RERE: variants seen among roughly 807,000 people sequenced by gnomAD.
The protein encoded by RERE is arginine-glutamic acid dipeptide repeats, also known as arginine-glutamic acid dipeptide repeats protein.
A neutral mutation model predicts 146.1 loss-of-function variants in RERE; 40 were observed. That is an observed-to-expected ratio of 0.27 (90% CI 0.21 to 0.36). RERE has a LOEUF of 0.36. Among genes scored for constraint, RERE ranks in the 10% least tolerant of loss-of-function variants. The pLI, the probability that RERE is intolerant of heterozygous loss-of-function variation, is 1.00. For synonymous variants in RERE, 1,003 were observed against 866.0 expected (o/e 1.16, Z -2.78); for missense variants, 1,933 against 2,138.7 (o/e 0.90, Z 1.90).
At position 8,698,688 on chromosome 1, in the gene RERE, AATAG is replaced by A. The variant is rs1302622877; in HGVS notation, c.-144-42251_-144-42248del. Among the ~76,000 whole-genome samples the A allele has an allele frequency of 3.3e-5, 5 of 152,042 alleles. No homozygotes were observed. In the South Asian group the frequency reaches 6.2e-4, roughly 19 times the overall value. ...TACTTTTTCTATTTTTATTTTTTTT[AATAG>A]ATAGAGACAGGGTCTCGCTATGTTG... On this transcript the variant is annotated intron_variant, in intron 1 of 22. Coordinates refer to ENST00000400908, the MANE Select transcript of RERE (RefSeq NM_001042681.2).
chr1:8,362,556 G>A lies in RERE; in HGVS notation c.1902+127C>T. 4 of 1,251,452 alleles carry A rather than the reference G, an allele frequency of 3.2e-6. 1 individual carries two copies. The South Asian group carries it at 5.4e-5, about 17-fold the overall frequency. The allele number at this position is 1,251,452 out of a possible 1,614,324, so 77.5% of individuals were successfully genotyped here. ...CAGCCCCTAGGCCAGGACAATGCTG[G>A]TGTCCAGACAGGCTCCATGAATGAG... On this transcript the variant is annotated intron_variant, in intron 16 of 22. Coordinates refer to ENST00000400908, the MANE Select transcript of RERE (RefSeq NM_001042681.2).
At chr1:8,479,787 A>G (rs567255553) in intron 10 of RERE, among the ~76,000 whole-genome samples, 2 of 152,300 alleles carry the variant, frequency 1.3e-5, no homozygotes, top group African/African-American at 4.8e-5. Context: ...CGTTTAAGCC[A>G]CCAAGTTTGG....
At chr1:8,623,693 A>T (rs1251086564) in intron 3 of RERE, among the ~76,000 whole-genome samples, 1 of 152,202 alleles carries the variant, frequency 6.6e-6, no homozygotes, top group African/African-American at 2.4e-5. Context: ...GCGATTTCAT[A>T]ATGAGGAACA....
At chr1:8,468,663 A>T (rs1045568701) in intron 10 of RERE, among the ~76,000 whole-genome samples, 1 of 152,154 alleles carries the variant, frequency 6.6e-6, no homozygotes, top group African/African-American at 2.4e-5. Context: ...TGAGGTAGGA[A>T]GATTGAGTTC....
intron 1 of RERE, among the ~76,000 whole-genome samples, chr1:8,816,570 C>T (rs1641916354): frequency 6.6e-6 from 1 of 152,150 alleles, no homozygotes; most frequent in African/African-American, 2.4e-5. Context: ...TGTAAAACTA[C>T]GAATCTTTCC....
chr1:8,669,762 T>C (rs1375748115), intron 1 of RERE, among the ~76,000 whole-genome samples: 1 of 152,182 alleles, frequency 6.6e-6, no homozygotes. Context: ...AAAAGTAGAT[T>C]AAGTTGGACA....
At chr1:8,645,558 A>C (rs1174930831) in intron 2 of RERE, among the ~76,000 whole-genome samples, 1 of 152,188 alleles carries the variant, frequency 6.6e-6, no homozygotes, top group East Asian at 1.9e-4. Context: ...TGGACATCTT[A>C]TTATATAAAA....
chr1:8,696,005 G>GATGCAAATCAAA lies in RERE; in HGVS notation c.-144-39576_-144-39565dup, dbSNP rs560725152. Among the ~76,000 whole-genome samples the GATGCAAATCAAA allele has an allele frequency of 5.3e-4, 80 of 152,164 alleles. 1 individual carries two copies. In the East Asian group the frequency reaches 0.014, roughly 26 times the overall value. ...GTTTAACATCATTCATCATCAGAGA[G>GATGCAAATCAAA]ATGCAAATCAAAACCACAATGAAAT... On this transcript the variant is annotated intron_variant, in intron 1 of 22. Coordinates refer to ENST00000400908, the MANE Select transcript of RERE (RefSeq NM_001042681.2).
At chr1:8,766,438 G>A (rs1640846849) in intron 1 of RERE, among the ~76,000 whole-genome samples, 1 of 151,604 alleles carries the variant, frequency 6.6e-6, no homozygotes, top group African/African-American at 2.4e-5. Context: ...TACTCAGGAG[G>A]CTGACGTGGG....
Position 8,774,373 on chromosome 1 carries a change from TAC to T in RERE, c.-145+42785_-145+42786del, listed in dbSNP as rs1285507132. ...TTTTTTTTTTTTTTTTTTTTTTTGC[TAC>T]AGAGTTTCGCTCTTGTTGCCCAGGC... On this transcript the variant is annotated intron_variant, in intron 1 of 22. Transcript: ENST00000400908. Among the ~76,000 whole-genome samples the T allele has an allele frequency of 2.0e-4, 27 of 138,116 alleles. No individual in the cohort carries two copies. The South Asian group carries it at 6.0e-3, about 31-fold the overall frequency. The allele number at this position is 138,116 out of a possible 152,430, so 90.6% of individuals were successfully genotyped here. A position where few individuals can be genotyped will look rare whatever the true frequency, so the allele number is the denominator to read the frequency against.
At chr1:8,472,708 C>A (rs946947357) in intron 10 of RERE, among the ~76,000 whole-genome samples, 3 of 152,162 alleles carry the variant, frequency 2.0e-5, no homozygotes, top group Non-Finnish European at 4.4e-5. Flanking sequence ...GATAAAGCAT[C>A]TTGACTCAGT....
In RERE at chr1:8,559,280, C is replaced by CAAAAAAAAAAAAAAAAAA. The variant is rs548075266; in HGVS notation, c.523-1775_523-1758dup. Among the ~76,000 whole-genome samples the CAAAAAAAAAAAAAAAAAA allele has an allele frequency of 3.8e-3, 46 of 12,068 alleles. 2 individuals are homozygous for CAAAAAAAAAAAAAAAAAA. The highest frequency in any genetic ancestry group is 5.1e-3 in the Non-Finnish European group (32 of 6,214). 7.9% of individuals were successfully genotyped at this position (12,068 alleles called of 152,430 possible). ...GGGCAACAAGAGCAAAACTCCAGCT[C>CAAAAAAAAAAAAAAAAAA]AAAAAAAAAAAAAAAAAAAAAAAAC... is the stretch of plus-strand genomic sequence containing the variant. On this transcript the variant is annotated intron_variant, in intron 4 of 22. Coordinates refer to ENST00000400908, the MANE Select transcript of RERE (RefSeq NM_001042681.2).
At position 8,807,241 on chromosome 1, in the gene RERE, CGG is replaced by C. The variant is rs532949941; in HGVS notation, c.-145+9917_-145+9918del. 3.7e-4 allele frequency among the ~76,000 whole-genome samples: 57 copies of C among 152,002 alleles called. 2 individuals are homozygous for C. Among genetic ancestry groups the C allele is most frequent in the Non-Finnish European group, 1.2e-4 (8 of 67,950 alleles). On this transcript the variant is annotated intron_variant, in intron 1 of 22. Coordinates refer to ENST00000400908, the MANE Select transcript of RERE (RefSeq NM_001042681.2). ...TAATTTTTAATTTTTTTTGCAGAGA[CGG>C]GGGTCTTGTTACGTTGCCCAGGCTG... is the stretch of plus-strand genomic sequence containing the variant.
chr1:8,720,505 G>C (rs777851609), intron 1 of RERE, among the ~76,000 whole-genome samples: 1 of 152,074 alleles, frequency 6.6e-6, no homozygotes, highest in Non-Finnish European at 1.5e-5. Context: ...AGAGAAGAGA[G>C]ACAGACAGAC....
chr1:8,468,763 TAGTCCCAGCTGC>T (rs1223109806), intron 10 of RERE, among the ~76,000 whole-genome samples: 3 of 152,072 alleles, frequency 2.0e-5, no homozygotes, highest in Non-Finnish European at 4.4e-5. Flanking sequence ...CATGTGCCTA[TAGTCCCAGCTGC>T]AGTCCCAGCT....
intron 7 of RERE, among the ~76,000 whole-genome samples, chr1:8,518,094 A>T (rs1004764586): frequency 6.6e-6 from 1 of 152,202 alleles, no homozygotes; most frequent in African/African-American, 2.4e-5. Context: ...TGTTCTGTGA[A>T]CATTCACCAA....
chr1:8,354,041 G>A lies in RERE; in HGVS notation c.*1046C>T, dbSNP rs763791309. The A allele has an allele frequency of 5.9e-5, 9 of 152,506 alleles. No individual in the cohort carries two copies. The highest frequency in any genetic ancestry group is 9.7e-5 in the African/African-American group (4 of 41,416). The allele number at this position is 152,506 out of a possible 1,614,324, so 9.4% of individuals were successfully genotyped here. ...CATTTTCTTAGATGATGAAATTTTC[G>A]GAGTATTAAAAAAGACATTCATCCA... is the stretch of plus-strand genomic sequence containing the variant. On this transcript the variant is annotated 3_prime_UTR_variant, in exon 23 of 23. Transcript: ENST00000400908.
chr1:8,697,183 T>C (rs982588832), intron 1 of RERE, among the ~76,000 whole-genome samples: 2 of 152,082 alleles, frequency 1.3e-5, no homozygotes, highest in South Asian at 2.1e-4. Context: ...CCTAGGTAAA[T>C]AGCCAAAAAA....
At chr1:8,736,393 G>T (rs994358445) in intron 1 of RERE, among the ~76,000 whole-genome samples, 4 of 152,062 alleles carry the variant, frequency 2.6e-5, no homozygotes, top group Non-Finnish European at 4.4e-5. Context: ...TTTTTTAGTA[G>T]AGACGGGGTT....
Sources: allele counts gnomAD v4.1 joint callset (sites outside exome capture counted in the v4.1 genomes callset), GRCh38; gene constraint gnomAD v4.1.1; transcripts MANE v1.5; gene names NCBI Gene and HGNC (gene_info 2026-07-23, HGNC 2026-07-21).